The following PLEKHM3 variants were observed in gnomAD, a reference collection of about 807,000 sequenced individuals.
PLEKHM3 encodes the protein pleckstrin homology domain-containing family M member 3.
A neutral mutation model predicts 81.8 loss-of-function variants in PLEKHM3; 45 were observed. The ratio of observed to expected loss-of-function variants is 0.55; its 90% CI spans 0.43 to 0.71. The LOEUF (loss-of-function observed/expected upper bound fraction) is 0.71. Ranked by LOEUF, PLEKHM3 falls within the 30% of genes least tolerant of loss-of-function variation. The pLI is 0.00. For synonymous variants in PLEKHM3, 352 were observed against 356.4 expected (o/e 0.99, Z 0.14); for missense variants, 788 against 924.3 (o/e 0.85, Z 1.91).
At chr2:207,978,152 A>G (rs1217337122) in intron 2 of PLEKHM3, among the ~76,000 whole-genome samples, 1 of 152,074 alleles carries the variant, frequency 6.6e-6, no homozygotes, top group African/African-American at 2.4e-5. Context: ...AGTATGGGGC[A>G]TGGAACGTGC....
chr2:207,859,624 G>A (rs2092456400), intron 7 of PLEKHM3, among the ~76,000 whole-genome samples: 1 of 148,922 alleles, frequency 6.7e-6, no homozygotes. Flanking sequence ...TTTAGACAGA[G>A]TCTTGCTGTG....
chr2:207,995,370 T>C (rs1692037138), intron 2 of PLEKHM3, among the ~76,000 whole-genome samples: 1 of 152,220 alleles, frequency 6.6e-6, no homozygotes, highest in Admixed American at 6.5e-5. Flanking sequence ...TTTAGTTCAG[T>C]GAACATTATC....
chr2:207,945,193 T>C (rs1690081196), intron 4 of PLEKHM3, among the ~76,000 whole-genome samples: 1 of 152,218 alleles, frequency 6.6e-6, no homozygotes, highest in African/African-American at 2.4e-5. Flanking sequence ...ACGTGGCTTG[T>C]CAGACACCCT....
At chr2:207,966,800 A>T (rs1690928294) in intron 3 of PLEKHM3, among the ~76,000 whole-genome samples, 2 of 151,886 alleles carry the variant, frequency 1.3e-5, no homozygotes, top group African/African-American at 4.8e-5. Flanking sequence ...TGATCCACCC[A>T]CCTCGGCCTC....
At chr2:207,957,374 T>C (rs961231767) in intron 3 of PLEKHM3, among the ~76,000 whole-genome samples, 2 of 152,218 alleles carry the variant, frequency 1.3e-5, no homozygotes, top group Non-Finnish European at 2.9e-5. Context: ...CACTTAAATT[T>C]ACGTAAGATG....
intron 4 of PLEKHM3, among the ~76,000 whole-genome samples, chr2:207,942,744 A>G (rs1258433916): frequency 6.6e-6 from 1 of 152,110 alleles, no homozygotes; most frequent in Non-Finnish European, 1.5e-5. Context: ...ACTAAAAAAT[A>G]CAAAAACTAG....
At chr2:207,932,633 A>T (rs530152725) in intron 4 of PLEKHM3, among the ~76,000 whole-genome samples, 4 of 152,166 alleles carry the variant, frequency 2.6e-5, no homozygotes, top group Non-Finnish European at 5.9e-5. Flanking sequence ...AAACAAAACC[A>T]CATGTAACAT....
At chr2:207,966,650 T>A in intron 3 of PLEKHM3, among the ~76,000 whole-genome samples, 1 of 152,268 alleles carries the variant, frequency 6.6e-6, no homozygotes, top group Middle Eastern at 3.4e-3. Flanking sequence ...CCTCCCGGGT[T>A]CAAGAGGTTC....
At chr2:207,894,126 A>T (rs1377181343) in intron 6 of PLEKHM3, among the ~76,000 whole-genome samples, 4 of 152,114 alleles carry the variant, frequency 2.6e-5, no homozygotes, top group Admixed American at 6.5e-5. Context: ...AAAAATAAAT[A>T]ATCAAAAAAG....
At chr2:207,845,635 C>T (rs1325087567) in intron 7 of PLEKHM3, among the ~76,000 whole-genome samples, 1 of 152,154 alleles carries the variant, frequency 6.6e-6, no homozygotes, top group Non-Finnish European at 1.5e-5. Context: ...AGTCACATAT[C>T]TCGGTAATGC....
At chr2:207,954,306 T>C (rs149424643) in intron 3 of PLEKHM3, among the ~76,000 whole-genome samples, 1,646 of 152,250 alleles carry the variant, frequency 0.011, 12 homozygotes, top group Middle Eastern at 0.031. Context: ...CAATGAGCTA[T>C]TATTGTACCA....
intron 7 of PLEKHM3, among the ~76,000 whole-genome samples, chr2:207,845,170 A>G (rs1399083645): frequency 6.6e-6 from 1 of 152,204 alleles, no homozygotes; most frequent in African/African-American, 2.4e-5. Flanking sequence ...GATAATATAC[A>G]TTAGATACTT....
At chr2:208,016,607 G>A (rs1389677905) in intron 1 of PLEKHM3, among the ~76,000 whole-genome samples, 2 of 142,000 alleles carry the variant, frequency 1.4e-5, no homozygotes, top group Non-Finnish European at 3.0e-5. Flanking sequence ...CCGAGACCGA[G>A]CCACTGTACT....
At chr2:208,021,558 C>T (rs1055464499) in intron 1 of PLEKHM3, among the ~76,000 whole-genome samples, 1 of 152,122 alleles carries the variant, frequency 6.6e-6, no homozygotes, top group Non-Finnish European at 1.5e-5. Context: ...TTTGACTGTA[C>T]AATGTTTTAT....
chr2:207,944,215 G>A (rs543999458), intron 4 of PLEKHM3, among the ~76,000 whole-genome samples: 2 of 152,276 alleles, frequency 1.3e-5, no homozygotes, highest in South Asian at 4.1e-4. Flanking sequence ...GGAGAACCAG[G>A]GGTGTGTTGT....
At chr2:207,919,355 T>C (rs1156274093) in intron 5 of PLEKHM3, among the ~76,000 whole-genome samples, 2 of 152,098 alleles carry the variant, frequency 1.3e-5, no homozygotes, top group Non-Finnish European at 2.9e-5. Flanking sequence ...CCTGGGCTTT[T>C]ACTTGGAGCG....
At chr2:207,969,512 A>T (rs1422014556) in intron 3 of PLEKHM3, among the ~76,000 whole-genome samples, 2 of 152,238 alleles carry the variant, frequency 1.3e-5, no homozygotes, top group East Asian at 3.8e-4. Flanking sequence ...GTCCTCATTT[A>T]TCATATGAAA....
At chr2:207,983,198 C>T (rs747524921) in intron 2 of PLEKHM3, among the ~76,000 whole-genome samples, 2 of 152,012 alleles carry the variant, frequency 1.3e-5, no homozygotes, top group Non-Finnish European at 2.9e-5. Context: ...ACTACAGGCA[C>T]CAGCCACCAC....
At chr2:207,899,100 C>T (rs1376751863) in intron 6 of PLEKHM3, among the ~76,000 whole-genome samples, 1 of 152,076 alleles carries the variant, frequency 6.6e-6, no homozygotes, top group East Asian at 1.9e-4. Flanking sequence ...GAATCGCAGG[C>T]CACTATCACA....
Sources: gnomAD v4.1 joint callset for allele counts (sites outside exome capture counted in the v4.1 genomes callset) on GRCh38, gnomAD v4.1.1 for gene constraint, MANE v1.5 for transcripts, NCBI Gene and HGNC (gene_info 2026-07-23, HGNC 2026-07-21) for gene names.